Variants in MFSD11 observed in about 807,000 individuals in gnomAD.
The protein encoded by MFSD11 is major facilitator superfamily domain containing 11.
MFSD11 carries 36 observed loss-of-function variants against 53.5 expected under a neutral mutation model. The ratio of observed to expected loss-of-function variants is 0.67; its 90% CI spans 0.52 to 0.89. The LOEUF (loss-of-function observed/expected upper bound fraction) is 0.89. Ranked by LOEUF, MFSD11 falls within the 40% of genes least tolerant of loss-of-function variation. The pLI is 0.00. For missense variants in MFSD11, 530 were observed against 543.9 expected (o/e 0.97, Z 0.25); for synonymous variants, 186 against 184.9 (o/e 1.01, Z -0.05).
Position 76,741,977 on chromosome 17 carries a change from T to G in MFSD11, c.269T>G (p.Ile90Ser). 1 of 1,614,130 alleles carries G rather than the reference T, an allele frequency of 6.2e-7. No individual in the cohort carries two copies. The highest frequency in any genetic ancestry group is 8.5e-7 in the Non-Finnish European group (1 of 1,179,986). ...FASGLFYSMY[I>S]AVFIQPFPWS... ...GACCTGTTATATTTTAGCATGTACA[T>G]TGCCGTTTTCATCCAGCCTTTCCCG... Residue 90 changes from isoleucine (I) to serine (S), a missense_variant, in exon 4 of 13, where the codon ATT becomes AGT. Transcript: ENST00000685175.
At chr17:76,764,465 A>G (rs1193108568) in intron 8 of MFSD11, among the ~76,000 whole-genome samples, 1 of 152,028 alleles carries the variant, frequency 6.6e-6, no homozygotes, top group Non-Finnish European at 1.5e-5. Flanking sequence ...TATGAGTTTG[A>G]CTTTTTAATA....
In MFSD11 at chr17:76,754,418, C is replaced by G. The variant is rs2079368945; in HGVS notation, c.682+331C>G. Among the ~76,000 whole-genome samples the G allele has an allele frequency of 2.0e-5, 3 of 152,148 alleles. 1 individual carries two copies. The South Asian group carries it at 6.2e-4, about 32-fold the overall frequency. ...CAGATTGTGGCTGCGCGCAGTGACT[C>G]GCGCCTGTAATCTCAGCACTTTGGG... On this transcript the variant is annotated intron_variant, in intron 8 of 12. Transcript: ENST00000685175.
chr17:76,785,507 T>C (rs1275495005), downstream of MFSD11, among the ~76,000 whole-genome samples: 2 of 151,984 alleles, frequency 1.3e-5, no homozygotes, highest in Admixed American at 6.6e-5. Flanking sequence ...TCAGGTAATT[T>C]TTTTGTATTT....
intron 10 of MFSD11, among the ~76,000 whole-genome samples, chr17:76,773,694 A>G (rs2081566491): frequency 6.6e-6 from 1 of 151,898 alleles, no homozygotes; most frequent in Non-Finnish European, 1.5e-5. Flanking sequence ...TGCAACCTCC[A>G]CCTCCTGGGT....
Position 76,776,371 on chromosome 17 carries a change from A to G in MFSD11, c.1050-35A>G, listed in dbSNP as rs765778631. Reference sequence around the variant, plus strand: ...TATATTTTAAATGGCTCTAGCAGATATTGCTCATACTAAATTGATTTTTAT... The same window carrying G: ...TATATTTTAAATGGCTCTAGCAGATGTTGCTCATACTAAATTGATTTTTAT... On this transcript the variant is annotated intron_variant, in intron 11 of 12. Coordinates refer to ENST00000685175, the MANE Select transcript of MFSD11 (RefSeq NM_001242532.5). The surrounding 1 kb of genome is among the most constrained non-coding windows in gnomAD (Gnocchi z 4.2). 3.7e-6 allele frequency: 6 copies of G among 1,608,248 alleles called. No homozygotes were observed. The highest frequency in any genetic ancestry group is 5.1e-6 in the Non-Finnish European group (6 of 1,178,106).
At chr17:76,783,865 C>T (rs1212779142), downstream of MFSD11, among the ~76,000 whole-genome samples, 1 of 151,958 alleles carries the variant, frequency 6.6e-6, no homozygotes, top group Admixed American at 6.6e-5. Context: ...CTCCTGACCC[C>T]CTTGGGAGTT....
intron 8 of MFSD11, among the ~76,000 whole-genome samples, chr17:76,755,797 T>TATATATATATA (rs1568076011): frequency 4.2e-5 from 1 of 23,662 alleles, no homozygotes; most frequent in Non-Finnish European, 1.0e-4. Context: ...TATACATATA[T>TATATATATATA]ATATATATAT....
intron 8 of MFSD11, among the ~76,000 whole-genome samples, chr17:76,762,384 A>G (rs1273878171): frequency 3.3e-5 from 5 of 152,158 alleles, no homozygotes; most frequent in South Asian, 2.1e-4. Flanking sequence ...TGACACACAG[A>G]TATTCTGCTT....
chr17:76,772,292 G>A (rs1218996697), intron 10 of MFSD11, among the ~76,000 whole-genome samples: 1 of 151,668 alleles, frequency 6.6e-6, no homozygotes, highest in Non-Finnish European at 1.5e-5. Flanking sequence ...AGGTGTAGTG[G>A]CGTATGCCTG....
the MFSD11 span, among the ~76,000 whole-genome samples, chr17:76,797,683 C>T: frequency 6.6e-6 from 1 of 152,036 alleles, no homozygotes; most frequent in Non-Finnish European, 1.5e-5. Flanking sequence ...GGCAGCAGGT[C>T]TCAGCCCCAT....
At chr17:76,740,275 C>G (rs1201407179) in intron 2 of MFSD11, among the ~76,000 whole-genome samples, 2 of 151,764 alleles carry the variant, frequency 1.3e-5, no homozygotes, top group Non-Finnish European at 2.9e-5. Flanking sequence ...TGAATAGTAT[C>G]TAGTAAATGA....
intron 7 of MFSD11, among the ~76,000 whole-genome samples, chr17:76,751,822 G>C (rs2079078695): frequency 6.6e-6 from 1 of 152,038 alleles, no homozygotes; most frequent in Admixed American, 6.6e-5. Context: ...ATTCCCATGG[G>C]TAAGTCGTAG....
the MFSD11 span, among the ~76,000 whole-genome samples, chr17:76,788,416 A>G: frequency 1.3e-5 from 2 of 148,744 alleles, no homozygotes; most frequent in African/African-American, 4.9e-5. Context: ...TCCAAGCTGG[A>G]GTGCAATGGC....
chr17:76,756,185 C>T (rs2079612468), intron 8 of MFSD11, among the ~76,000 whole-genome samples: 1 of 148,356 alleles, frequency 6.7e-6, no homozygotes, highest in African/African-American at 2.5e-5. Flanking sequence ...TGCACTGGCA[C>T]CATCTTGGCT....
intron 10 of MFSD11, among the ~76,000 whole-genome samples, chr17:76,772,158 C>T (rs78556657): frequency 6.6e-6 from 1 of 152,062 alleles, no homozygotes; most frequent in East Asian, 1.9e-4. Context: ...ACAGTGCTCA[C>T]GCCTATAATT....
chr17:76,787,255 G>C, the MFSD11 span, among the ~76,000 whole-genome samples: 14,569 of 133,316 alleles, frequency 0.11, 2,654 homozygotes, highest in African/African-American at 0.35. Flanking sequence ...CCTGCCTCAG[G>C]CTCCCGAGTA....
upstream of MFSD11, chr17:76,736,651 G>A (rs1413701713): frequency 3.4e-6 from 4 of 1,185,042 alleles, no homozygotes; most frequent in East Asian, 6.4e-5. Context: ...GCGGAAGCTC[G>A]CGGGGTGGCC....
At chr17:76,783,181 G>A (rs2082213947), downstream of MFSD11, among the ~76,000 whole-genome samples, 1 of 151,248 alleles carries the variant, frequency 6.6e-6, no homozygotes, top group Admixed American at 6.6e-5. Context: ...ATGTGACAAT[G>A]AAATAAATAG....
At chr17:76,755,808 A>G (rs1328566541) in intron 8 of MFSD11, among the ~76,000 whole-genome samples, 1 of 26,326 alleles carries the variant, frequency 3.8e-5, no homozygotes, top group Non-Finnish European at 7.1e-5. Flanking sequence ...ATATATATAT[A>G]TATATTTTTT....
Sources: gnomAD v4.1 joint callset for allele counts (sites outside exome capture counted in the v4.1 genomes callset) on GRCh38, gnomAD v4.1.1 for gene constraint, Gnocchi (gnomAD v3.1) non-coding constraint, MANE v1.5 for transcripts, NCBI Gene and HGNC (gene_info 2026-07-23, HGNC 2026-07-21) for gene names.